IL1RAPL1: variants seen among roughly 807,000 people sequenced by gnomAD.
The protein encoded by IL1RAPL1 is interleukin 1 receptor accessory protein like 1.
IL1RAPL1 carries 3 observed loss-of-function variants against 48.4 expected under a neutral mutation model. The ratio of observed to expected loss-of-function variants is 0.06; its 90% CI spans 0.03 to 0.16. The LOEUF is 0.16. Among genes scored for constraint, IL1RAPL1 ranks in the 10% least tolerant of loss-of-function variants. The pLI, the probability that IL1RAPL1 is intolerant of heterozygous loss-of-function variation, is 1.00. For synonymous variants in IL1RAPL1, 185 were observed against 187.7 expected (o/e 0.99, Z 0.12); for missense variants, 349 against 530.6 (o/e 0.66, Z 3.36).
intron 5 of IL1RAPL1, among the ~76,000 whole-genome samples, chrX:29,511,923 C>G (rs1324193543): frequency 8.1e-5 from 9 of 110,614 alleles, no homozygotes; most frequent in Non-Finnish European, 5.7e-5. Context: ...CAGTTCCTAT[C>G]ACATAAATAA....
intron 1 of IL1RAPL1, among the ~76,000 whole-genome samples, chrX:28,644,985 G>A (rs1473737803): frequency 9.0e-6 from 1 of 111,067 alleles, no homozygotes; most frequent in Non-Finnish European, 1.9e-5. Flanking sequence ...GCTATTATGA[G>A]CTAAGAAGAA....
chrX:29,089,288 A>G (rs1354463762), intron 2 of IL1RAPL1, among the ~76,000 whole-genome samples: 1 of 111,385 alleles, frequency 9.0e-6, no homozygotes, highest in African/African-American at 3.3e-5. Flanking sequence ...ATGGTGCACT[A>G]CATGATGATT....
At chrX:28,851,137 G>A (rs1921653169) in intron 2 of IL1RAPL1, among the ~76,000 whole-genome samples, 1 of 105,810 alleles carries the variant, frequency 9.5e-6, no homozygotes, top group Non-Finnish European at 1.9e-5. Context: ...ACTCACACTT[G>A]CCTTGGAAGA....
chrX:28,675,253 A>C (rs1251961073), intron 1 of IL1RAPL1, among the ~76,000 whole-genome samples: 1 of 112,148 alleles, frequency 8.9e-6, no homozygotes, highest in Admixed American at 9.5e-5. Context: ...GCTTAAGATG[A>C]GTAATCTCAT....
At chrX:29,443,704 T>C (rs979928329) in intron 5 of IL1RAPL1, among the ~76,000 whole-genome samples, 1 of 111,930 alleles carries the variant, frequency 8.9e-6, no homozygotes, top group African/African-American at 3.3e-5. Context: ...GCTTACAGTA[T>C]GGTGGGGTCG....
chrX:29,393,801 G>A (rs764012738), intron 3 of IL1RAPL1, among the ~76,000 whole-genome samples: 1 of 108,942 alleles, frequency 9.2e-6, no homozygotes, highest in Non-Finnish European at 1.9e-5. Context: ...ATATTTGAAT[G>A]TGCCCTAAAA....
chrX:29,720,359 T>C (rs1927605171), intron 6 of IL1RAPL1, among the ~76,000 whole-genome samples: 1 of 111,788 alleles, frequency 8.9e-6, no homozygotes, highest in Non-Finnish European at 1.9e-5. Flanking sequence ...AACCCAAATG[T>C]CCATCAATGA....
At chrX:29,462,434 A>G (rs1934813822) in intron 5 of IL1RAPL1, among the ~76,000 whole-genome samples, 1 of 111,605 alleles carries the variant, frequency 9.0e-6, no homozygotes, top group Non-Finnish European at 1.9e-5. Flanking sequence ...TTTTCATTCC[A>G]AAAATCTTAT....
chrX:29,675,053 T>G (rs1325570734), intron 6 of IL1RAPL1, among the ~76,000 whole-genome samples: 4 of 112,510 alleles, frequency 3.6e-5, no homozygotes, highest in Non-Finnish European at 7.5e-5. Flanking sequence ...GTCTTTATGA[T>G]AGAAGGATTT....
At chrX:29,937,989 G>C (rs1933059821) in intron 8 of IL1RAPL1, among the ~76,000 whole-genome samples, 1 of 111,783 alleles carries the variant, frequency 8.9e-6, no homozygotes, top group Non-Finnish European at 1.9e-5. Flanking sequence ...CCCTAAAGGA[G>C]TTTTTCATGT....
chrX:29,594,849 C>A (rs940617179), intron 5 of IL1RAPL1, among the ~76,000 whole-genome samples: 2 of 111,503 alleles, frequency 1.8e-5, no homozygotes, highest in African/African-American at 6.5e-5. Context: ...GCAGTGTACG[C>A]TGTACCCAAT....
At position 29,356,572 on chromosome X, in the gene IL1RAPL1, C is replaced by T. The variant is rs755435646; in HGVS notation, c.363-39686C>T. ...TGCGTATGTATGTGTGACACATACA[C>T]ACACACACACACGCACACACTCACA... On this transcript the variant is annotated intron_variant, in intron 3 of 10. Transcript: ENST00000378993. Among the ~76,000 whole-genome samples the T allele has an allele frequency of 2.7e-5, 3 of 110,468 alleles. No individual in the cohort carries two copies. The Admixed American group carries it at 2.9e-4, about 11-fold the overall frequency.
chrX:28,875,272 C>G (rs1922339417), intron 2 of IL1RAPL1, among the ~76,000 whole-genome samples: 1 of 111,631 alleles, frequency 9.0e-6, no homozygotes, highest in African/African-American at 3.3e-5. Context: ...GAGAATGCCT[C>G]TAGAGAGTTA....
intron 2 of IL1RAPL1, among the ~76,000 whole-genome samples, chrX:28,935,286 A>T (rs902538583): frequency 9.0e-6 from 1 of 111,388 alleles, no homozygotes; most frequent in Non-Finnish European, 1.9e-5. Flanking sequence ...ATTTACAATT[A>T]AATTTTTACA....
chrX:29,566,939 G>A (rs1038648460), intron 5 of IL1RAPL1, among the ~76,000 whole-genome samples: 1 of 111,624 alleles, frequency 9.0e-6, no homozygotes, highest in African/African-American at 3.2e-5. Flanking sequence ...GAGGCAAAGA[G>A]ATCTTAAAAA....
intron 2 of IL1RAPL1, among the ~76,000 whole-genome samples, chrX:28,920,177 T>A (rs1032833150): frequency 3.6e-5 from 4 of 112,153 alleles, no homozygotes; most frequent in Non-Finnish European, 1.9e-5. Context: ...TAAGCTCTTG[T>A]CTTGGAAAAC....
chrX:29,754,818 C>T (rs770091548), intron 6 of IL1RAPL1, among the ~76,000 whole-genome samples: 9 of 111,106 alleles, frequency 8.1e-5, no homozygotes, highest in South Asian at 7.5e-4. Flanking sequence ...TCTATTGTTA[C>T]GTAACAAATT....
chrX:28,878,110 G>A (rs980362251), intron 2 of IL1RAPL1, among the ~76,000 whole-genome samples: 1 of 111,969 alleles, frequency 8.9e-6, no homozygotes, highest in Non-Finnish European at 1.9e-5. Context: ...TATTGCAGTA[G>A]AAAGAATGCT....
intron 1 of IL1RAPL1, among the ~76,000 whole-genome samples, chrX:28,730,005 A>T (rs1235424054): frequency 1.8e-5 from 2 of 111,785 alleles, no homozygotes; most frequent in Middle Eastern, 4.2e-3. Flanking sequence ...TTCAATTATG[A>T]CTTGAAATTA....
Sources: gnomAD v4.1 joint callset for allele counts (sites outside exome capture counted in the v4.1 genomes callset) on GRCh38, gnomAD v4.1.1 for gene constraint, MANE v1.5 for transcripts, NCBI Gene and HGNC (gene_info 2026-07-23, HGNC 2026-07-21) for gene names.